The following FARS2 variants were observed in gnomAD, a reference collection of about 807,000 sequenced individuals.
The protein encoded by FARS2 is phenylalanine--tRNA ligase, mitochondrial.
Under a neutral mutation model 46.4 loss-of-function variants are expected in FARS2, and 40 were observed. That is an observed-to-expected ratio of 0.86 (90% CI 0.67 to 1.12). The LOEUF (loss-of-function observed/expected upper bound fraction) is 1.12, where lower values mean the gene tolerates loss of function less well. Among genes scored for constraint, FARS2 ranks in the 50% most tolerant of loss-of-function variants. The pLI, the probability that FARS2 is intolerant of heterozygous loss-of-function variation, is 0.00. For missense variants in FARS2, 513 were observed against 567.9 expected, an observed-to-expected ratio of 0.90 and a Z score of 0.98; for synonymous variants, 234 against 214.9, an observed-to-expected ratio of 1.09 and a Z score of -0.78.
At chr6:5,751,296 T>C (rs1383163332) in intron 6 of FARS2, among the ~76,000 whole-genome samples, 8 of 152,170 alleles carry the variant, frequency 5.3e-5, no homozygotes, top group Non-Finnish European at 1.2e-4. Context: ...ATCAGGCAAA[T>C]GGCATCTTCT....
chr6:5,738,564 A>G (rs931634748), intron 6 of FARS2, among the ~76,000 whole-genome samples: 3 of 152,244 alleles, frequency 2.0e-5, no homozygotes, highest in Non-Finnish European at 1.5e-5. Flanking sequence ...AAAGCTATCT[A>G]CATAATTATA....
intron 5 of FARS2, among the ~76,000 whole-genome samples, chr6:5,546,528 G>A (rs540387476): frequency 2.6e-5 from 4 of 151,886 alleles, no homozygotes; most frequent in East Asian, 3.9e-4. Context: ...GGGATTACAG[G>A]AGTGAGCCAC....
intron 6 of FARS2, among the ~76,000 whole-genome samples, chr6:5,647,397 TAACA>T (rs1777132904): frequency 6.6e-6 from 1 of 152,168 alleles, no homozygotes; most frequent in Non-Finnish European, 1.5e-5. Context: ...AACTAGAATT[TAACA>T]TAATCAGCCA....
At chr6:5,614,305 C>CCCTT (rs1382800909) in intron 6 of FARS2, among the ~76,000 whole-genome samples, 1 of 152,160 alleles carries the variant, frequency 6.6e-6, no homozygotes, top group Non-Finnish European at 1.5e-5. Context: ...CCTCCATTTT[C>CCCTT]CCTTCCCCGC....
chr6:5,308,118 C>T (rs147016524), intron 1 of FARS2, among the ~76,000 whole-genome samples: 1 of 141,014 alleles, frequency 7.1e-6, no homozygotes, highest in East Asian at 1.9e-4. Context: ...CTACAAAATT[C>T]TTCTTCCTCT....
At chr6:5,264,551 T>C (rs1171252578) in intron 1 of FARS2, among the ~76,000 whole-genome samples, 1 of 151,148 alleles carries the variant, frequency 6.6e-6, no homozygotes, top group Non-Finnish European at 1.5e-5. Flanking sequence ...TGGAGTGCAA[T>C]GGTGCAATCT....
At chr6:5,281,694 G>A (rs1766740180) in intron 1 of FARS2, among the ~76,000 whole-genome samples, 1 of 144,130 alleles carries the variant, frequency 6.9e-6, no homozygotes. Flanking sequence ...GTTGTCCACA[G>A]TGATTGTCCG....
At chr6:5,586,037 A>T (rs1217624066) in intron 5 of FARS2, among the ~76,000 whole-genome samples, 2 of 152,226 alleles carry the variant, frequency 1.3e-5, no homozygotes, top group East Asian at 3.9e-4. Context: ...TATTATTAGT[A>T]TATAGAAACA....
chr6:5,634,339 G>C (rs1242478772), intron 6 of FARS2, among the ~76,000 whole-genome samples: 2 of 152,126 alleles, frequency 1.3e-5, no homozygotes, highest in African/African-American at 4.8e-5. Flanking sequence ...GTCTCGCTCT[G>C]TCACCCAGGC....
intron 5 of FARS2, among the ~76,000 whole-genome samples, chr6:5,572,180 C>G (rs1447608682): frequency 6.6e-6 from 1 of 152,078 alleles, no homozygotes; most frequent in East Asian, 1.9e-4. Flanking sequence ...GCTGGCTATT[C>G]AGGAAGCATG....
intron 6 of FARS2, among the ~76,000 whole-genome samples, chr6:5,712,989 T>C (rs759609111): frequency 5.3e-5 from 8 of 152,236 alleles, no homozygotes; most frequent in Non-Finnish European, 8.8e-5. Context: ...CTGATAAGCT[T>C]TCTGGAAGTA....
chr6:5,280,660 T>A lies in FARS2; in HGVS notation c.-22+19000T>A, dbSNP rs150657038. On this transcript the variant is annotated intron_variant, in intron 1 of 6. Coordinates refer to ENST00000274680, the MANE Select transcript of FARS2 (RefSeq NM_006567.5). ...TATCTTTTTAATCTTGATTTAAAGT[T>A]TACTTCCTCAGATAGGCCTTCCCCA... is the stretch of plus-strand genomic sequence containing the variant. Among the ~76,000 whole-genome samples the A allele has an allele frequency of 9.1e-3, 1,390 of 152,262 alleles. 16 individuals carry two copies. The highest frequency in any genetic ancestry group is 0.029 in the African/African-American group (1,197 of 41,564).
At chr6:5,445,701 C>G (rs945229070) in intron 4 of FARS2, among the ~76,000 whole-genome samples, 12 of 152,040 alleles carry the variant, frequency 7.9e-5, no homozygotes, top group South Asian at 2.1e-4. Context: ...AGAAGTAGCT[C>G]TGTTTGAGGG....
intron 3 of FARS2, among the ~76,000 whole-genome samples, chr6:5,420,869 C>T (rs918042137): frequency 5.5e-4 from 84 of 152,142 alleles, no homozygotes; most frequent in Admixed American, 1.0e-3. Flanking sequence ...CACAGTGTGC[C>T]ATCCTGCAGG....
intron 6 of FARS2, among the ~76,000 whole-genome samples, chr6:5,728,861 T>C (rs1476982999): frequency 1.3e-5 from 2 of 152,184 alleles, no homozygotes; most frequent in African/African-American, 4.8e-5. Flanking sequence ...AACCCTACGT[T>C]GCAGGGACTG....
chr6:5,288,669 G>A (rs1421054333), intron 1 of FARS2, among the ~76,000 whole-genome samples: 2 of 152,184 alleles, frequency 1.3e-5, no homozygotes, highest in Non-Finnish European at 2.9e-5. Flanking sequence ...GTATATGGAG[G>A]TGCGGACTGG....
intron 4 of FARS2, among the ~76,000 whole-genome samples, chr6:5,448,102 G>C (rs1764280621): frequency 6.6e-6 from 1 of 152,148 alleles, no homozygotes. Flanking sequence ...AGTGTGGTTG[G>C]GGTAGCCTAG....
At chr6:5,271,710 C>T (rs1030034176) in intron 1 of FARS2, among the ~76,000 whole-genome samples, 1 of 151,748 alleles carries the variant, frequency 6.6e-6, no homozygotes, top group African/African-American at 2.4e-5. Flanking sequence ...CTACAGTCGC[C>T]CGCCACCACG....
intron 6 of FARS2, among the ~76,000 whole-genome samples, chr6:5,638,084 C>T (rs932065796): frequency 1.2e-4 from 18 of 152,160 alleles, no homozygotes; most frequent in African/African-American, 3.4e-4. Flanking sequence ...TTTGGAACAG[C>T]GACTTCTGCC....
Sources: allele counts gnomAD v4.1 joint callset (sites outside exome capture counted in the v4.1 genomes callset), GRCh38; gene constraint gnomAD v4.1.1; transcripts MANE v1.5; gene names NCBI Gene and HGNC (gene_info 2026-07-23, HGNC 2026-07-21).